GRK4: variants seen among roughly 807,000 people sequenced by gnomAD.
GRK4 encodes G protein-coupled receptor kinase 2-like.
A neutral mutation model predicts 77.9 loss-of-function variants in GRK4; 73 were observed. The observed-to-expected ratio is 0.94, with a 90% confidence interval of 0.78 to 1.14. The LOEUF (loss-of-function observed/expected upper bound fraction) is 1.14. Among genes scored for constraint, GRK4 ranks in the 50% most tolerant of loss-of-function variants. The pLI is 0.00. For missense variants in GRK4, 729 were observed against 700.2 expected, an observed-to-expected ratio of 1.04 and a Z score of -0.46; for synonymous variants, 257 against 254.4, an observed-to-expected ratio of 1.01 and a Z score of -0.10.
At chr4:3,019,975 C>T (rs1735624137) in intron 9 of GRK4, 144 bp downstream of exon 9, 1 of 747,002 alleles carries the variant, frequency 1.3e-6, no homozygotes, top group Non-Finnish European at 2.2e-6. Flanking sequence ...TAGGGTTGGT[C>T]ACTTACACTA....
intron 8 of GRK4, among the ~76,000 whole-genome samples, chr4:3,014,224 C>G (rs1389468474): frequency 6.6e-6 from 1 of 151,872 alleles, no homozygotes; most frequent in Admixed American, 6.6e-5. Context: ...CTCTCAGCCT[C>G]CAGTCAATTT....
At chr4:2,990,369 G>A (rs1725787142) in intron 3 of GRK4, among the ~76,000 whole-genome samples, 1 of 147,596 alleles carries the variant, frequency 6.8e-6, no homozygotes, top group Non-Finnish European at 1.5e-5. Flanking sequence ...TGATTCTCCT[G>A]CCTCAGCCTC....
chr4:3,013,931 T>C, intron 8 of GRK4, 103 bp downstream of exon 8: 1 of 1,273,978 alleles, frequency 7.8e-7, no homozygotes, highest in Non-Finnish European at 1.1e-6. Flanking sequence ...GTGGAAGTCA[T>C]TTCTTGTTTT....
intron 2 of GRK4, among the ~76,000 whole-genome samples, chr4:2,985,986 A>AG: frequency 6.8e-6 from 1 of 147,382 alleles, no homozygotes. Context: ...CTCCGTCTCA[A>AG]AAAAAAAAAA....
At chr4:3,022,284 G>A (rs752001869) in intron 9 of GRK4, 130 bp from the exon 10 acceptor site, 14 of 729,104 alleles carry the variant, frequency 1.9e-5, no homozygotes, top group African/African-American at 1.2e-4. Flanking sequence ...CCTGTTTGCC[G>A]TGGCTCATGA....
At chr4:3,036,176 C>T (rs981963658) in intron 13 of GRK4, among the ~76,000 whole-genome samples, 7 of 152,238 alleles carry the variant, frequency 4.6e-5, no homozygotes, top group African/African-American at 1.7e-4. Flanking sequence ...CTTGTGTTTC[C>T]CACAGCCGTG....
intron 10 of GRK4, among the ~76,000 whole-genome samples, chr4:3,026,953 G>A (rs1345748327): frequency 1.3e-5 from 2 of 152,240 alleles, no homozygotes; most frequent in Non-Finnish European, 2.9e-5. Flanking sequence ...GATATTAGAA[G>A]CTGAGGATAA....
chr4:3,003,665 C>T (rs1274806643), intron 4 of GRK4, among the ~76,000 whole-genome samples: 1 of 152,120 alleles, frequency 6.6e-6, no homozygotes, highest in Non-Finnish European at 1.5e-5. Context: ...GTGAATTATG[C>T]TGCAATGAAC....
chr4:3,038,096 C>G (rs1741336938), intron 14 of GRK4, among the ~76,000 whole-genome samples: 1 of 152,190 alleles, frequency 6.6e-6, no homozygotes. Flanking sequence ...CCACCCCGAG[C>G]CCCACTCCCT....
chr4:2,965,192 C>T (rs891424395), intron 1 of GRK4: 49 of 681,220 alleles, frequency 7.2e-5, no homozygotes, highest in South Asian at 1.2e-4. Context: ...TGAGCTGGTG[C>T]GTACCTTAAC....
intron 2 of GRK4, 144 bp from the exon 3 acceptor site, chr4:2,988,583 A>T: frequency 1.9e-6 from 1 of 527,042 alleles, no homozygotes; most frequent in Non-Finnish European, 3.4e-6. Context: ...AACAAACAAC[A>T]ACAACAACAA....
chr4:3,035,424 G>C lies in GRK4; in HGVS notation c.1308G>C (p.Arg436Ser). The change falls in exon 13 of 16, where the codon AGG (arginine) becomes AGC (serine). Residue 436 changes from arginine to serine, a missense_variant. Arg to Ser is a moderately radical substitution (Grantham distance 110). Transcript: ENST00000398052. ...ATCCAAGCAAGCGGCTGGGCTGCAG[G>C]GGCGAGGGAGCGGCTGGGGTGAAGC... ...TKNPSKRLGC[R>S]GEGAAGVKQH... The C allele has an allele frequency of 6.2e-7, 1 of 1,613,930 alleles. No individual in the cohort carries two copies. The highest frequency in any genetic ancestry group is 8.5e-7 in the Non-Finnish European group (1 of 1,179,962).
chr4:2,997,873 A>T (rs112646474), intron 4 of GRK4, among the ~76,000 whole-genome samples: 6,630 of 148,048 alleles, frequency 0.045, 210 homozygotes, highest in African/African-American at 0.092. Context: ...GCACCACTGC[A>T]CTCCAGCCTG....
intron 14 of GRK4, 91 bp from the exon 15 acceptor site, chr4:3,038,285 G>C: frequency 6.6e-7 from 1 of 1,506,470 alleles, no homozygotes. Flanking sequence ...TGCCCCGCAC[G>C]GGGCTGGGCA....
chr4:2,964,632 A>T (rs993921721), intron 1 of GRK4, among the ~76,000 whole-genome samples: 4 of 152,192 alleles, frequency 2.6e-5, no homozygotes, highest in African/African-American at 9.7e-5. Context: ...CTGAGGCTCT[A>T]TGGTGTGTCA....
At chr4:2,980,799 C>T (rs914971286) in intron 1 of GRK4, among the ~76,000 whole-genome samples, 6 of 152,210 alleles carry the variant, frequency 3.9e-5, no homozygotes, top group African/African-American at 9.6e-5. Context: ...TGGCCAGTGG[C>T]GGCTTTACCT....
At chr4:2,975,073 G>A (rs1720710117) in intron 1 of GRK4, among the ~76,000 whole-genome samples, 1 of 152,210 alleles carries the variant, frequency 6.6e-6, no homozygotes, top group Admixed American at 6.5e-5. Context: ...GGGAGGCTGA[G>A]GCAGATGGAT....
At chr4:3,039,698 TA>T (rs10672202) in intron 15 of GRK4, among the ~76,000 whole-genome samples, 3,942 of 115,160 alleles carry the variant, frequency 0.034, 162 homozygotes, top group African/African-American at 0.11. Flanking sequence ...AACTCTGTCT[TA>T]AAAAAAAAAA....
At chr4:2,985,977 T>G (rs1724215926) in intron 2 of GRK4, among the ~76,000 whole-genome samples, 2 of 102,564 alleles carry the variant, frequency 1.9e-5, no homozygotes, top group Non-Finnish European at 3.7e-5. Context: ...AGAACAAGAC[T>G]CCGTCTCAAA....
Sources: gnomAD v4.1 joint callset for allele counts (sites outside exome capture counted in the v4.1 genomes callset) on GRCh38, gnomAD v4.1.1 for gene constraint, MANE v1.5 for transcripts, NCBI Gene and HGNC (gene_info 2026-07-23, HGNC 2026-07-21) for gene names.